The following PVT1 variants were observed in gnomAD, a reference collection of about 807,000 sequenced individuals.
PVT1 encodes the protein CXCR4/PVT1 fusion.
chr8:127,930,063 GA>G (rs1481922977), intron 3 of PVT1, among the ~76,000 whole-genome samples: 1 of 152,162 alleles, frequency 6.6e-6, no homozygotes, highest in Non-Finnish European at 1.5e-5. Context: ...TGCTGTAGGG[GA>G]AAAGGATTTG....
chr8:127,897,098 A>C (rs753557764), intron 3 of PVT1, among the ~76,000 whole-genome samples: 5 of 152,118 alleles, frequency 3.3e-5, no homozygotes, highest in Non-Finnish European at 7.4e-5. Flanking sequence ...AAAGTTAATG[A>C]AGGGAACAGA....
At chr8:128,056,074 G>C (rs1813758855) in intron 4 of PVT1, among the ~76,000 whole-genome samples, 1 of 152,272 alleles carries the variant, frequency 6.6e-6, no homozygotes, top group South Asian at 2.1e-4. Context: ...TTAACCTCTT[G>C]GGTTGGTTTG....
intron 3 of PVT1, among the ~76,000 whole-genome samples, chr8:127,982,379 CAAG>C (rs1412475011): frequency 6.6e-6 from 1 of 152,184 alleles, no homozygotes; most frequent in Non-Finnish European, 1.5e-5. Context: ...CCTCTGAAAA[CAAG>C]AGGATGTGTA....
chr8:127,928,067 A>C (rs1586440056), intron 3 of PVT1, among the ~76,000 whole-genome samples: 1 of 152,202 alleles, frequency 6.6e-6, no homozygotes, highest in East Asian at 1.9e-4. Context: ...CAATTTAATC[A>C]GACACTTAAG....
intron 3 of PVT1, among the ~76,000 whole-genome samples, chr8:127,985,888 T>G (rs1816964659): frequency 6.6e-6 from 1 of 152,198 alleles, no homozygotes; most frequent in African/African-American, 2.4e-5. Flanking sequence ...GTTCACTGTC[T>G]CCTGCCAAGT....
chr8:127,914,135 TGGCC>T (rs1815947694), intron 3 of PVT1, among the ~76,000 whole-genome samples: 1 of 151,834 alleles, frequency 6.6e-6, no homozygotes, highest in Non-Finnish European at 1.5e-5. Flanking sequence ...GTTATATAAA[TGGCC>T]AATAAACACA....
rs576153383 is a variant in PVT1, at chr8:128,042,486, A to G, written n.913-27674A>G. On this transcript the variant is annotated intron_variant and non_coding_transcript_variant, in intron 4 of 10. Transcript: ENST00000651587. ...CACTTCCCCCCAAGATGTGCAGGAC[A>G]CAGGATACTCCCCAGGGCCTTGCTC... Among the ~76,000 whole-genome samples the G allele has an allele frequency of 2.6e-5, 4 of 152,300 alleles. No individual in the cohort carries two copies. In the East Asian group the frequency reaches 7.7e-4, roughly 29 times the overall value.
chr8:128,036,937 C>T (rs1452975773), intron 4 of PVT1, among the ~76,000 whole-genome samples: 2 of 152,216 alleles, frequency 1.3e-5, no homozygotes, highest in Non-Finnish European at 2.9e-5. Context: ...ATTGAGGATG[C>T]AGCCTCCAGG....
At chr8:128,025,321 CTT>C (rs1235345886) in intron 4 of PVT1, among the ~76,000 whole-genome samples, 1 of 152,188 alleles carries the variant, frequency 6.6e-6, no homozygotes, top group African/African-American at 2.4e-5. Context: ...TTCTTGCCCT[CTT>C]TGTACCCCTG....
intron 2 of PVT1, among the ~76,000 whole-genome samples, chr8:127,870,717 C>T (rs998263407): frequency 2.6e-5 from 4 of 152,210 alleles, no homozygotes; most frequent in African/African-American, 9.7e-5. Context: ...CTCCTTCTCC[C>T]ACTTACTAGC....
chr8:128,018,765 G>A (rs930775135), intron 4 of PVT1, among the ~76,000 whole-genome samples: 16 of 90,536 alleles, frequency 1.8e-4, no homozygotes, highest in Non-Finnish European at 3.4e-4. Flanking sequence ...AAAATCTTGC[G>A]TCCTCAGGAC....
intron 4 of PVT1, among the ~76,000 whole-genome samples, chr8:128,034,667 G>C (rs1813440900): frequency 6.6e-6 from 1 of 152,184 alleles, no homozygotes; most frequent in South Asian, 2.1e-4. Flanking sequence ...AGGGAGCTTG[G>C]GCTCCAGATC....
intron 3 of PVT1, among the ~76,000 whole-genome samples, chr8:127,963,379 A>G (rs1397932743): frequency 6.6e-6 from 1 of 152,004 alleles, no homozygotes; most frequent in African/African-American, 2.4e-5. Flanking sequence ...GAGATTTGCC[A>G]CCTGTTTGGT....
intron 2 of PVT1, among the ~76,000 whole-genome samples, chr8:127,821,938 C>A (rs1450944216): frequency 6.6e-6 from 1 of 152,138 alleles, no homozygotes; most frequent in East Asian, 1.9e-4. Flanking sequence ...ATCTGCACGG[C>A]CATATGTGGC....
chr8:127,902,832 A>G (rs73357069), intron 3 of PVT1, among the ~76,000 whole-genome samples: 2,006 of 152,168 alleles, frequency 0.013, 42 homozygotes, highest in African/African-American at 0.044. Flanking sequence ...TATCCAGTCC[A>G]CCACTGACGG....
chr8:128,056,939 A>C (rs994388511), intron 4 of PVT1, among the ~76,000 whole-genome samples: 1 of 152,130 alleles, frequency 6.6e-6, no homozygotes, highest in African/African-American at 2.4e-5. Context: ...CTCTTCATGC[A>C]CAACCATGAT....
At chr8:127,971,958 A>G (rs1327357939) in intron 3 of PVT1, among the ~76,000 whole-genome samples, 1 of 152,230 alleles carries the variant, frequency 6.6e-6, no homozygotes, top group East Asian at 1.9e-4. Flanking sequence ...AAGATGGCCC[A>G]GCAAGCCCCT....
intron 3 of PVT1, among the ~76,000 whole-genome samples, chr8:127,940,933 A>G (rs1255470799): frequency 6.6e-6 from 1 of 152,168 alleles, no homozygotes; most frequent in South Asian, 2.1e-4. Context: ...GAGGTCAGAC[A>G]TGGATCTCTC....
intron 3 of PVT1, among the ~76,000 whole-genome samples, chr8:127,924,024 C>G (rs77269386): frequency 6.6e-6 from 1 of 152,208 alleles, no homozygotes; most frequent in Non-Finnish European, 1.5e-5. Context: ...CTCCATGCCC[C>G]CTCTGGCATG....
Sources: allele counts gnomAD v4.1 joint callset (sites outside exome capture counted in the v4.1 genomes callset), GRCh38; gene constraint gnomAD v4.1.1; transcripts MANE v1.5; gene names NCBI Gene and HGNC (gene_info 2026-07-23, HGNC 2026-07-21).